Variants in RAB30 observed in about 807,000 individuals in gnomAD.
RAB30 encodes the protein RAB30, member RAS oncogene family, also known as ras-related protein Rab-30.
RAB30 carries 9 observed loss-of-function variants against 25.1 expected under a neutral mutation model. That is an observed-to-expected ratio of 0.36 (90% CI 0.22 to 0.63). RAB30 has a LOEUF of 0.63. Ranked by LOEUF, RAB30 falls within the 20% of genes least tolerant of loss-of-function variation. RAB30 has a pLI of 0.69. For synonymous variants in RAB30, 77 were observed against 86.4 expected, an observed-to-expected ratio of 0.89 and a Z score of 0.60; for missense variants, 140 against 243.5, an observed-to-expected ratio of 0.58 and a Z score of 2.83.
chr11:83,038,572 GCA>G (rs1322804075), intron 1 of RAB30, among the ~76,000 whole-genome samples: 4 of 152,270 alleles, frequency 2.6e-5, no homozygotes, highest in Middle Eastern at 3.4e-3. Flanking sequence ...TGTAATCCCA[GCA>G]CTTTGGGAGG....
At chr11:83,007,265 T>A (rs192743884) in intron 1 of RAB30, among the ~76,000 whole-genome samples, 1 of 152,310 alleles carries the variant, frequency 6.6e-6, no homozygotes. Flanking sequence ...GTGGCTGGCA[T>A]GAACACATGC....
chr11:83,019,317 C>T (rs935992870), intron 1 of RAB30, among the ~76,000 whole-genome samples: 4 of 152,156 alleles, frequency 2.6e-5, no homozygotes, highest in Admixed American at 1.3e-4. Flanking sequence ...TGAGCCACCA[C>T]ACCAGGCCAA....
At chr11:83,032,405 G>C (rs1590865680) in intron 1 of RAB30, among the ~76,000 whole-genome samples, 2 of 152,224 alleles carry the variant, frequency 1.3e-5, no homozygotes, top group African/African-American at 4.8e-5. Flanking sequence ...GAGGAGGAAA[G>C]GGGGTATGAT....
intron 1 of RAB30, among the ~76,000 whole-genome samples, chr11:83,049,450 G>T (rs1240317779): frequency 7.0e-6 from 1 of 143,636 alleles, no homozygotes. Context: ...TGGTTTTTCT[G>T]GGGGGCAGAG....
At chr11:83,035,600 C>A (rs1857969980) in intron 1 of RAB30, 1 of 152,278 alleles carries the variant, frequency 6.6e-6, no homozygotes, top group South Asian at 2.1e-4. Context: ...TAACAGGAGA[C>A]CACGTGCCTC....
chr11:83,001,633 G>C (rs1857087592), intron 1 of RAB30, among the ~76,000 whole-genome samples: 1 of 152,190 alleles, frequency 6.6e-6, no homozygotes, highest in Non-Finnish European at 1.5e-5. Context: ...AAGATCACAA[G>C]ATTATCTGCA....
chr11:82,993,922 G>C, intron 3 of RAB30, 117 bp downstream of exon 3: 1 of 782,908 alleles, frequency 1.3e-6, no homozygotes, highest in Non-Finnish European at 2.1e-6. Context: ...TTATGGCTGA[G>C]TGCATTGTTT....
intron 1 of RAB30, among the ~76,000 whole-genome samples, chr11:83,022,971 A>ATG (rs1403947473): frequency 7.6e-5 from 7 of 92,496 alleles, no homozygotes; most frequent in African/African-American, 2.6e-4. Flanking sequence ...ATATGTATGT[A>ATG]TGTGTATATA....
At chr11:83,051,656 A>T (rs557173890) in intron 1 of RAB30, among the ~76,000 whole-genome samples, 2 of 152,148 alleles carry the variant, frequency 1.3e-5, no homozygotes, top group African/African-American at 4.8e-5. Flanking sequence ...AAGGGCTTCT[A>T]GCTTTAAACT....
In RAB30 at chr11:83,064,254, C is replaced by A. The variant is rs1858645065; in HGVS notation, c.-9+7437G>T. ...GGACACAGGTGTGCGCCACCACACC[C>A]AGCTAAAAAATACAAAAATATCTTC... On this transcript the variant is annotated intron_variant, in intron 1 of 4. Transcript: ENST00000527633. Among the ~76,000 whole-genome samples, 3 of 152,110 alleles carry A rather than the reference C, an allele frequency of 2.0e-5. No individual in the cohort carries two copies. In the South Asian group the frequency reaches 6.2e-4, roughly 32 times the overall value.
intron 1 of RAB30, among the ~76,000 whole-genome samples, chr11:83,017,405 T>C (rs1437797459): frequency 6.6e-6 from 1 of 152,166 alleles, no homozygotes; most frequent in Non-Finnish European, 1.5e-5. Context: ...TTTAAATAGT[T>C]TTTGGGGAAC....
At chr11:83,012,260 G>A (rs1857321193) in intron 1 of RAB30, among the ~76,000 whole-genome samples, 1 of 152,200 alleles carries the variant, frequency 6.6e-6, no homozygotes, top group African/African-American at 2.4e-5. Flanking sequence ...TGCCTCCAAT[G>A]CTTTTAGAAA....
intron 1 of RAB30, chr11:83,041,611 T>C (rs1019505394): frequency 1.3e-5 from 2 of 155,572 alleles, no homozygotes; most frequent in African/African-American, 4.8e-5. Context: ...AAATCAGTCT[T>C]ACTGAGATGT....
chr11:83,021,528 G>A (rs906503094), intron 1 of RAB30, among the ~76,000 whole-genome samples: 4 of 152,206 alleles, frequency 2.6e-5, no homozygotes, highest in Non-Finnish European at 5.9e-5. Flanking sequence ...TGAGCTGCCC[G>A]CCCGGCAGCA....
intron 3 of RAB30, among the ~76,000 whole-genome samples, chr11:82,993,143 C>A (rs534318753): frequency 6.6e-6 from 1 of 152,232 alleles, no homozygotes; most frequent in Non-Finnish European, 1.5e-5. Flanking sequence ...AGTCTCCCTT[C>A]ACATTTCTTT....
intron 1 of RAB30, among the ~76,000 whole-genome samples, chr11:83,059,023 A>T (rs895719232): frequency 1.1e-4 from 17 of 152,184 alleles, no homozygotes; most frequent in African/African-American, 4.1e-4. Flanking sequence ...GCTCACTGCA[A>T]CCTCTGCCTT....
chr11:83,068,111 G>C (rs1212895426), intron 1 of RAB30, among the ~76,000 whole-genome samples: 10 of 137,560 alleles, frequency 7.3e-5, no homozygotes, highest in Non-Finnish European at 6.2e-5. Flanking sequence ...GCGACAGAGT[G>C]AGACTCTGTC....
intron 1 of RAB30, among the ~76,000 whole-genome samples, chr11:83,050,818 C>T (rs1035529181): frequency 6.6e-6 from 1 of 152,058 alleles, no homozygotes; most frequent in Middle Eastern, 3.2e-3. Flanking sequence ...ATGATGGTGA[C>T]ATAGATTCCA....
intron 1 of RAB30, among the ~76,000 whole-genome samples, chr11:83,059,115 G>C (rs1020714317): frequency 6.6e-6 from 1 of 152,062 alleles, no homozygotes; most frequent in East Asian, 1.9e-4. Flanking sequence ...GCTAATTTTT[G>C]TATTTTTGTA....
Sources: allele counts gnomAD v4.1 joint callset (sites outside exome capture counted in the v4.1 genomes callset), GRCh38; gene constraint gnomAD v4.1.1; transcripts MANE v1.5; gene names NCBI Gene and HGNC (gene_info 2026-07-23, HGNC 2026-07-21).